PCNX3: variants seen among roughly 807,000 people sequenced by gnomAD.
PCNX3 encodes pecanex 3.
In PCNX3, 58 loss-of-function variants were observed where a neutral mutation model predicts 207.2. The ratio of observed to expected loss-of-function variants is 0.28; its 90% CI spans 0.23 to 0.35. The LOEUF (loss-of-function observed/expected upper bound fraction) is 0.35. PCNX3 is among the 10% of genes least tolerant of loss of function. The pLI, the probability that PCNX3 is intolerant of heterozygous loss-of-function variation, is 1.00. For missense variants in PCNX3, 2,410 were observed against 2,774.4 expected, an observed-to-expected ratio of 0.87 and a Z score of 2.95; for synonymous variants, 1,337 against 1,183.5, an observed-to-expected ratio of 1.13 and a Z score of -2.66.
intron 29 of PCNX3, 65 bp downstream of exon 29, chr11:65,634,706 C>A (rs1590906425): frequency 7.0e-7 from 1 of 1,425,338 alleles, no homozygotes; most frequent in Non-Finnish European, 9.5e-7. Flanking sequence ...ACGAAGAGCA[C>A]TGTGGTCTCT....
intron 27 of PCNX3, among the ~76,000 whole-genome samples, chr11:65,633,409 A>T (rs190719814): frequency 4.9e-4 from 75 of 152,178 alleles, no homozygotes; most frequent in Non-Finnish European, 9.0e-4. Flanking sequence ...GGGACCTGTG[A>T]CCCAGGCACT....
In PCNX3 at chr11:65,634,352, G is replaced by A; in HGVS notation, c.4697G>A (p.Ser1566Asn). The change falls in exon 28 of 35, where the codon AGC becomes AAC. Residue 1566 changes from serine to asparagine, a missense_variant. Ser to Asn is a conservative substitution (Grantham distance 46, BLOSUM62 1). Coordinates refer to ENST00000355703, the MANE Select transcript of PCNX3 (RefSeq NM_032223.4). ...ATCCAGTACTGCGCCTCCCGGCGCAGCCAGGTCAGGCTCCACTACCTGAGG... is the reference window on the plus strand; with the variant it reads ...ATCCAGTACTGCGCCTCCCGGCGCAACCAGGTCAGGCTCCACTACCTGAGG... ...EWIQYCASRR[S>N]QPVDQDWNSP... is the part of the protein sequence containing the mutation. 6.3e-7 allele frequency: 1 copy of A among 1,577,874 alleles called. No individual in the cohort carries two copies. Among genetic ancestry groups the A allele is most frequent in the Non-Finnish European group, 8.6e-7 (1 of 1,162,128 alleles).
Position 65,625,260 on chromosome 11 carries a change from C to A in PCNX3, c.3009C>A (p.Ser1003Arg). Residue 1003 changes from serine to arginine, a missense_variant, in exon 17 of 35, where the codon AGC becomes AGA. By Grantham distance (110) the Ser-to-Arg change is moderately radical. This residue lies in a region of PCNX3 where 333 missense variants were observed against 386.8 expected (regional missense o/e 0.86). Transcript: ENST00000355703. This position sits in a 1 kb window ranked among gnomAD's most constrained non-coding sequence, Gnocchi z 5.6. ...TGTCCTACCACCTGAGCCGGCAGAG[C>A]AGCGACCCCACCGTGCTCTGGTGGG... ...VALSYHLSRQ[S>R]SDPTVLWSLI... The A allele has an allele frequency of 6.2e-7, 1 of 1,609,754 alleles. No homozygotes were observed.
Position 65,618,829 on chromosome 11 carries a change from G to A in PCNX3, c.1467G>A (p.Gln489=), listed in dbSNP as rs1854907034. The A allele has an allele frequency of 6.2e-7, 1 of 1,611,380 alleles. No homozygotes were observed. The highest frequency in any genetic ancestry group is 1.3e-5 in the African/African-American group (1 of 74,910). Residue 489 remains glutamine (Q), a synonymous_variant, in exon 6 of 35, where the codon CAG becomes CAA. Coordinates refer to ENST00000355703, the MANE Select transcript of PCNX3 (RefSeq NM_032223.4). ...CCCCCAAGCGGCCATATGGGACCCA[G>A]CGGACGCCTAGTACCGCCAGCGCTA... ...AVPPKRPYGT[Q]RTPSTASAKT...
chr11:65,634,493 C>G, intron 28 of PCNX3, 45 bp from the exon 29 acceptor site: 1 of 1,544,528 alleles, frequency 6.5e-7, no homozygotes, highest in East Asian at 2.4e-5. Flanking sequence ...AGGTCCCTGT[C>G]CCAGGTCTGA....
At chr11:65,620,741 C>G in intron 9 of PCNX3, 90 bp from the exon 10 acceptor site, 2 of 1,516,560 alleles carry the variant, frequency 1.3e-6, no homozygotes, top group South Asian at 2.4e-5. Flanking sequence ...GCACAGACAG[C>G]CCTACCTGCC....
Position 65,630,416 on chromosome 11 carries a change from T to C in PCNX3, c.4282T>C (p.Cys1428Arg). Residue 1428 changes from cysteine to arginine, a missense_variant, in exon 27 of 35, where the codon TGC (cysteine) becomes CGC (arginine). Coordinates refer to ENST00000355703, the MANE Select transcript of PCNX3 (RefSeq NM_032223.4). ...GGGTGTGGAGGAGGACGAGGGCTGT[T>C]GCTGCTGTGAACCTGGCCACCTGCC... ...TEGVEEDEGCCCCEPGHLPRV... is the reference protein window; with the variant it reads ...TEGVEEDEGCRCCEPGHLPRV... 1 of 1,613,550 alleles carries C rather than the reference T, an allele frequency of 6.2e-7. No individual in the cohort carries two copies. The highest frequency in any genetic ancestry group is 8.5e-7 in the Non-Finnish European group (1 of 1,179,892).
In PCNX3 at chr11:65,616,231, C is replaced by G. The variant is rs1478832028; in HGVS notation, c.-81C>G. On this transcript the variant is annotated 5_prime_UTR_variant, in exon 1 of 35. Transcript: ENST00000355703. ...GCGTGAGGCCGGGCCCCGGGGCCCTCAGGCGCCAGACGGGGCATGGGCCGG... is the reference window on the plus strand; with the variant it reads ...GCGTGAGGCCGGGCCCCGGGGCCCTGAGGCGCCAGACGGGGCATGGGCCGG... 4.9e-6 allele frequency: 6 copies of G among 1,216,494 alleles called. No homozygotes were observed. The highest frequency in any genetic ancestry group is 6.5e-6 in the Non-Finnish European group (6 of 926,520). 75.4% of individuals were successfully genotyped at this position (1,216,494 alleles called of 1,614,324 possible).
rs182150208 is a variant in PCNX3, at chr11:65,619,832, C to A, written c.1908C>A (p.Ala636=). The A allele has an allele frequency of 1.2e-6, 2 of 1,606,620 alleles. No homozygotes were observed. The highest frequency in any genetic ancestry group is 2.7e-5 in the African/African-American group (2 of 75,040). Reference sequence around the variant, plus strand: ...CGCTGCCCTCTGCGCTGCATTTCGCCTCTTCACTGTTGCTCACCCGGGCCG... The same window carrying A: ...CGCTGCCCTCTGCGCTGCATTTCGCATCTTCACTGTTGCTCACCCGGGCCG... ...ALTLPSALHF[A]SSLLLTRAGA... is the part of the protein sequence containing the mutation. The change falls in exon 8 of 35, where the codon GCC becomes GCA. Residue 636 remains alanine, a synonymous_variant. Coordinates refer to ENST00000355703, the MANE Select transcript of PCNX3 (RefSeq NM_032223.4).
In PCNX3 at chr11:65,616,434, C is replaced by T. The variant is rs771158058; in HGVS notation, c.123C>T (p.Phe41=). 38 of 1,609,378 alleles carry T rather than the reference C, an allele frequency of 2.4e-5. No homozygotes were observed. The highest frequency in any genetic ancestry group is 4.5e-5 in the East Asian group (2 of 44,566). The change falls in exon 1 of 35, where the codon TTC becomes TTT. Residue 41 remains phenylalanine (F), a synonymous_variant. Coordinates refer to ENST00000355703, the MANE Select transcript of PCNX3 (RefSeq NM_032223.4). ...SNCFHLYVWI[F]LLIFPFLLYM... is the part of the protein sequence containing the mutation. ...GCTTCCACCTCTATGTCTGGATCTTCCTGCTCATCTTTCCCTTCTTACTGT... is the reference window on the plus strand; with the variant it reads ...GCTTCCACCTCTATGTCTGGATCTTTCTGCTCATCTTTCCCTTCTTACTGT...
At chr11:65,623,365 C>T in intron 11 of PCNX3, 126 bp from the exon 12 acceptor site, 1 of 1,276,100 alleles carries the variant, frequency 7.8e-7, no homozygotes, top group Non-Finnish European at 1.0e-6. Flanking sequence ...TTCACATCTT[C>T]AGAGGACAAG....
chr11:65,636,456 G>A lies in PCNX3; in HGVS notation c.5659G>A (p.Gly1887Ser). 6.4e-7 allele frequency: 1 copy of A among 1,557,994 alleles called. No individual in the cohort carries two copies. The highest frequency in any genetic ancestry group is 1.2e-5 in the South Asian group (1 of 83,092). The change falls in exon 34 of 35, where the codon GGT (glycine) becomes AGT (serine). Residue 1887 changes from glycine (G) to serine (S), a missense_variant. By Grantham distance (56) the Gly-to-Ser change is moderately conservative. Transcript: ENST00000355703. ...WGPRSSLSGS[G>S]DGRPPPLLQW... ...GCCGCGGTCCTCCCTGAGTGGCTCT[G>A]GTGATGGGCGGCCCCCACCTCTGCT... is the stretch of plus-strand genomic sequence containing the variant.
chr11:65,628,043 A>G (rs2135457489), intron 22 of PCNX3, among the ~76,000 whole-genome samples: 1 of 152,250 alleles, frequency 6.6e-6, no homozygotes, highest in East Asian at 1.9e-4. Flanking sequence ...TCTTTGAACT[A>G]AGGAACCATG....
At chr11:65,630,638 C>G in intron 27 of PCNX3, 34 bp downstream of exon 27, 1 of 1,593,864 alleles carries the variant, frequency 6.3e-7, no homozygotes, top group Non-Finnish European at 8.6e-7. Flanking sequence ...GCAGCAGGGC[C>G]CTTGCGGGTG....
chr11:65,633,454 G>A (rs1401036983), intron 27 of PCNX3, among the ~76,000 whole-genome samples: 2 of 152,148 alleles, frequency 1.3e-5, no homozygotes, highest in East Asian at 1.9e-4. Flanking sequence ...CTGCCCTTCC[G>A]GCCCCGAGAT....
Position 65,620,863 on chromosome 11 carries a change from C to G in PCNX3, c.2132C>G (p.Ser711Trp). 6.3e-7 allele frequency: 1 copy of G among 1,588,656 alleles called. No homozygotes were observed. Among genetic ancestry groups the G allele is most frequent in the Non-Finnish European group, 8.6e-7 (1 of 1,168,260 alleles). The change falls in exon 10 of 35, where the codon TCG (serine) becomes TGG (tryptophan). Residue 711 changes from serine to tryptophan, a missense_variant. Ser to Trp is a radical substitution (Grantham distance 177). This residue lies in a region of PCNX3 where 1,104 missense variants were observed against 970.3 expected (regional missense o/e 1.14). Transcript: ENST00000355703. ...CACTCGCATTCCTCCAGCTTCCACTCGGCTGATGTCCCTGAGGCTACAGGC... is the reference window on the plus strand; with the variant it reads ...CACTCGCATTCCTCCAGCTTCCACTGGGCTGATGTCCCTGAGGCTACAGGC... ...DRHSHSSSFH[S>W]ADVPEATGGL...
Position 65,618,356 on chromosome 11 carries a change from C to T in PCNX3, c.994C>T (p.Pro332Ser). ...HLDSPPGGPA[P>S]EGSDTDPPSE... ...GGACAGCCCCCCAGGGGGGCCAGCC[C>T]CTGAGGGCAGCGACACAGACCCACC... Residue 332 changes from proline to serine, a missense_variant, in exon 6 of 35, where the codon CCT becomes TCT. Coordinates refer to ENST00000355703, the MANE Select transcript of PCNX3 (RefSeq NM_032223.4). 6.2e-7 allele frequency: 1 copy of T among 1,612,454 alleles called. No individual in the cohort carries two copies. The highest frequency in any genetic ancestry group is 8.5e-7 in the Non-Finnish European group (1 of 1,179,624).
At position 65,628,977 on chromosome 11, in the gene PCNX3, C is replaced by A. The variant is rs1468234294; in HGVS notation, c.3941+29C>A. On this transcript the variant is annotated intron_variant, in intron 24 of 34. Coordinates refer to ENST00000355703, the MANE Select transcript of PCNX3 (RefSeq NM_032223.4). The stretch of plus-strand genomic sequence containing the variant: ...AGTCTCACAGGAGGCGGGAGCATGC[C>A]CAGCAGGGCAGGAAGGGAGAGGTTT... 5.6e-6 allele frequency: 9 copies of A among 1,607,484 alleles called. 1 individual carries two copies. In the South Asian group the frequency reaches 9.9e-5, roughly 18 times the overall value.
At chr11:65,617,073 C>G in intron 2 of PCNX3, 62 bp downstream of exon 2, 1 of 1,504,390 alleles carries the variant, frequency 6.6e-7, no homozygotes, top group Non-Finnish European at 9.0e-7. Context: ...CGGAACCTTG[C>G]AGGGTGGAGT....
Sources: allele counts gnomAD v4.1 joint callset (sites outside exome capture counted in the v4.1 genomes callset), GRCh38; gene constraint gnomAD v4.1.1; regional missense constraint gnomAD v4.1.1; non-coding constraint Gnocchi (gnomAD v3.1); transcripts MANE v1.5; gene names NCBI Gene and HGNC (gene_info 2026-07-23, HGNC 2026-07-21).